The following MYO18B variants were observed in gnomAD, a reference collection of about 807,000 sequenced individuals.
MYO18B encodes myosin XVIIIB, also known as unconventional myosin-XVIIIb.
Under a neutral mutation model 273.0 loss-of-function variants are expected in MYO18B, and 204 were observed. That is an observed-to-expected ratio of 0.75 (90% CI 0.67 to 0.84). MYO18B has a LOEUF of 0.84. Among genes scored for constraint, MYO18B ranks in the 40% least tolerant of loss-of-function variants. MYO18B has a pLI of 0.00. For missense variants in MYO18B, 3,212 were observed against 3,287.6 expected (o/e 0.98, Z 0.56); for synonymous variants, 1,330 against 1,305.7 (o/e 1.02, Z -0.40).
chr22:25,762,136 A>G (rs1263381465), intron 2 of MYO18B, among the ~76,000 whole-genome samples: 3 of 151,762 alleles, frequency 2.0e-5, no homozygotes, highest in Non-Finnish European at 4.4e-5. Context: ...ACTGTCTCTC[A>G]CTTATGAAGT....
At chr22:25,859,718 T>TG (rs2090675135) in intron 21 of MYO18B, among the ~76,000 whole-genome samples, 1 of 152,216 alleles carries the variant, frequency 6.6e-6, no homozygotes, top group Admixed American at 6.5e-5. Flanking sequence ...AGGCTGTTTA[T>TG]CTTATAGAGT....
At chr22:25,944,979 G>A (rs891159899) in intron 34 of MYO18B, among the ~76,000 whole-genome samples, 2 of 152,102 alleles carry the variant, frequency 1.3e-5, no homozygotes, top group Non-Finnish European at 2.9e-5. Context: ...ACGTACATAA[G>A]TAATTGGATG....
intron 34 of MYO18B, among the ~76,000 whole-genome samples, chr22:25,934,873 G>A (rs1256805639): frequency 1.3e-5 from 2 of 152,104 alleles, no homozygotes; most frequent in African/African-American, 4.8e-5. Flanking sequence ...GTGATTCGGG[G>A]GCTCAAGATA....
chr22:25,847,657 G>A lies in MYO18B; in HGVS notation c.3775+5G>A. On this transcript the variant is annotated splice_donor_5th_base_variant and intron_variant, in intron 20 of 43. Coordinates refer to ENST00000335473, the MANE Select transcript of MYO18B (RefSeq NM_032608.7). ...CTCTGCGTCTGCATAGGACAGGTAA[G>A]AGACAGCTAGGACACAGCACCTTGT... is the stretch of plus-strand genomic sequence containing the variant. 1.3e-6 allele frequency: 2 copies of A among 1,550,882 alleles called. No individual in the cohort carries two copies. The highest frequency in any genetic ancestry group is 1.7e-6 in the Non-Finnish European group (2 of 1,146,954).
At chr22:25,781,629 T>TAAAA (rs2087161579) in intron 9 of MYO18B, 105 bp from the exon 10 acceptor site, 51 of 295,508 alleles carry the variant, frequency 1.7e-4, no homozygotes, top group Admixed American at 7.8e-4. Context: ...AAAAAAAGAG[T>TAAAA]GGATCAGAGT....
intron 40 of MYO18B, among the ~76,000 whole-genome samples, chr22:26,000,716 CT>C (rs1933877103): frequency 6.6e-6 from 1 of 152,032 alleles, no homozygotes; most frequent in African/African-American, 2.4e-5. Context: ...TTAATTCAGC[CT>C]TCTTATTTTA....
intron 40 of MYO18B, among the ~76,000 whole-genome samples, chr22:25,997,944 C>CACACACACACACAT (rs1933471173): frequency 7.2e-6 from 1 of 139,540 alleles, no homozygotes; most frequent in African/African-American, 2.9e-5. Context: ...CACACACACA[C>CACACACACACACAT]ACACACACAC....
At chr22:25,792,661 A>T (rs1483878585) in intron 11 of MYO18B, among the ~76,000 whole-genome samples, 1 of 151,452 alleles carries the variant, frequency 6.6e-6, no homozygotes, top group Admixed American at 6.6e-5. Context: ...TGCCCAGCTA[A>T]TTTTTTTATT....
intron 15 of MYO18B, among the ~76,000 whole-genome samples, chr22:25,831,837 G>C (rs972174022): frequency 3.3e-5 from 5 of 152,178 alleles, no homozygotes; most frequent in Admixed American, 2.6e-4. Flanking sequence ...CAGCATGACG[G>C]CTGACACGCT....
At chr22:25,758,574 A>G (rs540566707) in intron 1 of MYO18B, among the ~76,000 whole-genome samples, 9 of 152,278 alleles carry the variant, frequency 5.9e-5, no homozygotes, top group Admixed American at 5.9e-4. Flanking sequence ...AATGTCAAAA[A>G]CATGCAAAGT....
intron 39 of MYO18B, among the ~76,000 whole-genome samples, chr22:25,981,614 A>T (rs778133660): frequency 2.6e-5 from 4 of 152,206 alleles, no homozygotes; most frequent in Admixed American, 1.3e-4. Context: ...GTGTGATGGT[A>T]CATGCCTGTA....
chr22:26,047,226 A>G, the MYO18B span, among the ~76,000 whole-genome samples: 85 of 148,986 alleles, frequency 5.7e-4, no homozygotes, highest in African/African-American at 1.9e-3. Flanking sequence ...TCCCGGGTTC[A>G]CGCCATTCTC....
intron 12 of MYO18B, among the ~76,000 whole-genome samples, chr22:25,800,327 A>G (rs1169507708): frequency 3.3e-5 from 5 of 152,248 alleles, no homozygotes; most frequent in African/African-American, 4.8e-5. Flanking sequence ...AAATGATTGG[A>G]AAAAAAATCA....
chr22:25,869,273 AC>A (rs1264364679), intron 22 of MYO18B, among the ~76,000 whole-genome samples: 2 of 151,914 alleles, frequency 1.3e-5, no homozygotes, highest in Non-Finnish European at 2.9e-5. Flanking sequence ...ACATGGTGAA[AC>A]CCCCATCTCT....
chr22:25,904,943 TAAAAA>T (rs10567781), intron 31 of MYO18B, among the ~76,000 whole-genome samples: 1 of 146,876 alleles, frequency 6.8e-6, no homozygotes, highest in African/African-American at 2.5e-5. Context: ...ATGCCTGAGA[TAAAAA>T]AAAAAAAAAA....
At chr22:26,047,216 T>C in the MYO18B span, among the ~76,000 whole-genome samples, 1 of 149,164 alleles carries the variant, frequency 6.7e-6, no homozygotes, top group African/African-American at 2.5e-5. Flanking sequence ...AAGCTCTGCC[T>C]CCCGGGTTCA....
At chr22:25,751,044 T>A (rs2085917214) in intron 1 of MYO18B, among the ~76,000 whole-genome samples, 1 of 152,018 alleles carries the variant, frequency 6.6e-6, no homozygotes, top group Non-Finnish European at 1.5e-5. Context: ...ACACATCCCC[T>A]CCCTCTGCCT....
At chr22:25,974,020 G>A (rs889897292) in intron 39 of MYO18B, among the ~76,000 whole-genome samples, 20 of 152,150 alleles carry the variant, frequency 1.3e-4, no homozygotes, top group African/African-American at 4.3e-4. Flanking sequence ...GGAGGCAAAC[G>A]TTATCATCTC....
At chr22:25,913,931 A>G (rs752486988) in intron 33 of MYO18B, among the ~76,000 whole-genome samples, 3 of 152,230 alleles carry the variant, frequency 2.0e-5, no homozygotes, top group Non-Finnish European at 4.4e-5. Context: ...TTGAGTTCAC[A>G]AAAATGTCAT....
Sources: gnomAD v4.1 joint callset for allele counts (sites outside exome capture counted in the v4.1 genomes callset) on GRCh38, gnomAD v4.1.1 for gene constraint, MANE v1.5 for transcripts, NCBI Gene and HGNC (gene_info 2026-07-23, HGNC 2026-07-21) for gene names.